The following PRXL2A variants were observed in gnomAD, a reference collection of about 807,000 sequenced individuals.
PRXL2A encodes peroxiredoxin-like 2A.
In PRXL2A, 26 loss-of-function variants were observed where a neutral mutation model predicts 25.6. The ratio of observed to expected loss-of-function variants is 1.02; its 90% CI spans 0.74 to 1.41. PRXL2A has a LOEUF of 1.41. Ranked by LOEUF, PRXL2A falls within the 40% of genes most tolerant of loss-of-function variation. The pLI, the probability that PRXL2A is intolerant of heterozygous loss-of-function variation, is 0.00. For synonymous variants in PRXL2A, 98 were observed against 102.9 expected, an observed-to-expected ratio of 0.95 and a Z score of 0.29; for missense variants, 246 against 273.9, an observed-to-expected ratio of 0.90 and a Z score of 0.72.
At chr10:80,418,191 C>T (rs2131888088) in intron 1 of PRXL2A, among the ~76,000 whole-genome samples, 1 of 152,014 alleles carries the variant, frequency 6.6e-6, no homozygotes, top group South Asian at 2.1e-4. Flanking sequence ...CTTCAGCTGT[C>T]CCCAGTGTCT....
chr10:80,412,362 A>G (rs1844504421), intron 1 of PRXL2A, among the ~76,000 whole-genome samples: 1 of 152,200 alleles, frequency 6.6e-6, no homozygotes, highest in South Asian at 2.1e-4. Context: ...TTCATACTGA[A>G]CTGAAATTGG....
intron 3 of PRXL2A, among the ~76,000 whole-genome samples, chr10:80,424,854 A>G (rs1211701376): frequency 1.3e-5 from 2 of 152,222 alleles, no homozygotes; most frequent in African/African-American, 4.8e-5. Flanking sequence ...AGCGTGGGCG[A>G]CAGAGCAAGA....
chr10:80,424,778 T>A (rs989812159), intron 3 of PRXL2A, among the ~76,000 whole-genome samples: 2 of 152,166 alleles, frequency 1.3e-5, no homozygotes, highest in Admixed American at 6.6e-5. Context: ...TGAGAATCAC[T>A]TGAACCCAGG....
intron 3 of PRXL2A, 81 bp downstream of exon 3, chr10:80,422,589 G>C: frequency 9.2e-7 from 1 of 1,091,934 alleles, no homozygotes; most frequent in Non-Finnish European, 1.4e-6. Flanking sequence ...ACCAAGGGTC[G>C]GTAAGCCAGC....
At chr10:80,408,147 G>A (rs1380448393), upstream of PRXL2A, among the ~76,000 whole-genome samples, 1 of 147,612 alleles carries the variant, frequency 6.8e-6, no homozygotes, top group Non-Finnish European at 1.5e-5. Flanking sequence ...CGGTCCTTTA[G>A]ATTCCCCCTG....
chr10:80,408,133 G>GT (rs1341180271), upstream of PRXL2A, among the ~76,000 whole-genome samples: 1 of 150,572 alleles, frequency 6.6e-6, no homozygotes, highest in Admixed American at 6.6e-5. Flanking sequence ...CTCATCGAAT[G>GT]TGTCGGTCCT....
rs1845025748 is a variant in PRXL2A at position 80,425,916 on chromosome 10, C to A, written c.321C>A (p.Val107=). 1 of 1,614,226 alleles carries A rather than the reference C, an allele frequency of 6.2e-7. No homozygotes were observed. The highest frequency in any genetic ancestry group is 8.5e-7 in the Non-Finnish European group (1 of 1,180,032). ...AAAGCATGTTGGACCAGCTGGGCGT[C>A]CCCCTCTATGCAGTGGTAAAGGAGC... is the stretch of plus-strand genomic sequence containing the variant. ...SLKSMLDQLG[V]PLYAVVKEHI... is the part of the protein sequence containing the mutation. The change falls in exon 4 of 6, where the codon GTC becomes GTA. Residue 107 remains valine (V), a synonymous_variant. Coordinates refer to ENST00000606162, the MANE Select transcript of PRXL2A (RefSeq NM_032333.5).
chr10:80,410,852 C>T (rs894782925), intron 1 of PRXL2A, among the ~76,000 whole-genome samples: 3 of 152,100 alleles, frequency 2.0e-5, no homozygotes, highest in African/African-American at 7.2e-5. Context: ...ATGGCTTGCT[C>T]TTTGAGGGGT....
chr10:80,419,599 C>T lies in PRXL2A; in HGVS notation c.-2-867C>T, dbSNP rs375567105. ...CTGGGATTACAGGCATGAGCCACCG[C>T]GCCCTGCCAGGACCTCCTCTTTCTG... On this transcript the variant is annotated intron_variant, in intron 1 of 5. Transcript: ENST00000606162. Among the ~76,000 whole-genome samples, 527 of 145,734 alleles carry T rather than the reference C, an allele frequency of 3.6e-3. 1 individual carries two copies. The highest frequency in any genetic ancestry group is 0.011 in the African/African-American group (438 of 39,370).
chr10:80,427,230 G>T, intron 4 of PRXL2A, 102 bp from the exon 5 acceptor site: 5 of 934,520 alleles, frequency 5.4e-6, no homozygotes, highest in Middle Eastern at 3.5e-4. Flanking sequence ...GCAGCCTTTT[G>T]AGTCTTTGCC....
intron 5 of PRXL2A, 53 bp downstream of exon 5, chr10:80,427,549 G>T (rs1466816181): frequency 8.2e-6 from 13 of 1,584,358 alleles, no homozygotes; most frequent in Non-Finnish European, 1.0e-5. Flanking sequence ...CTGTGAGTGT[G>T]AGACTCCAAC....
chr10:80,429,588 T>TCCTGC (rs139041867), intron 5 of PRXL2A, among the ~76,000 whole-genome samples: 27,575 of 76,962 alleles, frequency 0.36, 6,195 homozygotes, highest in East Asian at 0.83. Context: ...CCCTAGCCTC[T>TCCTGC]CCTGCCCTGC....
chr10:80,419,421 C>T (rs541813140), intron 1 of PRXL2A, among the ~76,000 whole-genome samples: 6 of 151,684 alleles, frequency 4.0e-5, no homozygotes, highest in African/African-American at 1.2e-4. Context: ...GATTCTCCTG[C>T]CTCAGCACCC....
chr10:80,421,497 C>T (rs538069109), intron 2 of PRXL2A, among the ~76,000 whole-genome samples: 11 of 152,084 alleles, frequency 7.2e-5, no homozygotes, highest in African/African-American at 1.2e-4. Context: ...AGGAAGCTTG[C>T]GAAAGGAAGG....
At chr10:80,431,368 T>G (rs1845253722) in intron 5 of PRXL2A, among the ~76,000 whole-genome samples, 1 of 151,922 alleles carries the variant, frequency 6.6e-6, no homozygotes, top group Admixed American at 6.6e-5. Context: ...AGTTTCCAGA[T>G]GTAATGAATC....
chr10:80,429,328 C>G (rs1046063224), intron 5 of PRXL2A, among the ~76,000 whole-genome samples: 1 of 152,210 alleles, frequency 6.6e-6, no homozygotes, highest in African/African-American at 2.4e-5. Context: ...GAGTGCCTGT[C>G]TTGTTCTACG....
At chr10:80,427,220 G>T in intron 4 of PRXL2A, 112 bp from the exon 5 acceptor site, 1 of 813,788 alleles carries the variant, frequency 1.2e-6, no homozygotes, top group Non-Finnish European at 2.0e-6. Context: ...ACTGGAACCA[G>T]CAGCCTTTTG....
chr10:80,413,618 A>G (rs77100285), intron 1 of PRXL2A, among the ~76,000 whole-genome samples: 4,087 of 152,330 alleles, frequency 0.027, 135 homozygotes, highest in South Asian at 0.14. Flanking sequence ...ATGACTGCAA[A>G]TGACTCAAAG....
At chr10:80,431,944 G>A (rs17617713) in intron 5 of PRXL2A, 42 bp from the exon 6 acceptor site, 43,041 of 1,447,232 alleles carry the variant, frequency 0.03, 807 homozygotes, top group Middle Eastern at 0.044. Flanking sequence ...ATGAACGAAC[G>A]ATTTAGGATG....
Sources: gnomAD v4.1 joint callset for allele counts (sites outside exome capture counted in the v4.1 genomes callset) on GRCh38, gnomAD v4.1.1 for gene constraint, MANE v1.5 for transcripts, NCBI Gene and HGNC (gene_info 2026-07-23, HGNC 2026-07-21) for gene names.